The following KLF16 variants were observed in gnomAD, a reference collection of about 807,000 sequenced individuals.
The protein encoded by KLF16 is KLF transcription factor 16.
A neutral mutation model predicts 6.1 loss-of-function variants in KLF16; 6 were observed. The observed-to-expected ratio is 0.98, with a 90% CI of 0.54 to 1.93. The LOEUF is 1.93. KLF16 is among the 30% of genes most tolerant of loss of function. KLF16 has a pLI of 0.01. For synonymous variants in KLF16, 211 were observed against 176.5 expected (o/e 1.20, Z -1.55); for missense variants, 355 against 363.8 (o/e 0.98, Z 0.20).
chr19:1,866,061 T>C (rs1345583930), upstream of KLF16, among the ~76,000 whole-genome samples: 1 of 152,070 alleles, frequency 6.6e-6, no homozygotes, highest in Non-Finnish European at 1.5e-5. Flanking sequence ...CCCAGCACTT[T>C]GGGAGGCCAA....
the KLF16 span, among the ~76,000 whole-genome samples, chr19:1,874,166 T>G: frequency 6.6e-6 from 1 of 152,050 alleles, no homozygotes; most frequent in African/African-American, 2.4e-5. Flanking sequence ...ATCTAAGCAA[T>G]CTCAATGTTT....
At chr19:1,874,254 A>G in the KLF16 span, among the ~76,000 whole-genome samples, 1 of 152,210 alleles carries the variant, frequency 6.6e-6, no homozygotes, top group Non-Finnish European at 1.5e-5. Context: ...AAAATAATGC[A>G]AGGAGGAGGG....
chr19:1,868,337 A>C (rs2012220038), upstream of KLF16, among the ~76,000 whole-genome samples: 1 of 152,206 alleles, frequency 6.6e-6, no homozygotes, highest in African/African-American at 2.4e-5. Context: ...TCAGGGGTGA[A>C]GTCGTCAGGG....
intron 1 of KLF16, chr19:1,861,386 A>C (rs1403103107): frequency 6.6e-6 from 1 of 152,094 alleles, no homozygotes; most frequent in Non-Finnish European, 1.5e-5. Context: ...ACTTACCCCC[A>C]AAAAGCCAGG....
the KLF16 span, among the ~76,000 whole-genome samples, chr19:1,872,126 C>A: frequency 7.5e-4 from 114 of 152,122 alleles, no homozygotes; most frequent in Non-Finnish European, 1.4e-3. Context: ...AGACAGGTGG[C>A]GGTGGTTTTT....
In KLF16 at chr19:1,856,958, G is replaced by C. The variant is rs865935426; in HGVS notation, c.458-2198C>G. 3.6e-5 allele frequency among the ~76,000 whole-genome samples: 5 copies of C among 137,860 alleles called. 1 individual carries two copies. Among genetic ancestry groups the C allele is most frequent in the Non-Finnish European group, 6.1e-5 (4 of 65,564 alleles). The allele number at this position is 137,860 out of a possible 152,430, so 90.4% of individuals were successfully genotyped here. ...AAGGAGGAGCAGGTTGCCGGGGTGG[G>C]GGGGGCGACCGGGGCAGGGGCGCGC... is the stretch of plus-strand genomic sequence containing the variant. On this transcript the variant is annotated intron_variant, in intron 1 of 1. Coordinates refer to ENST00000250916, the MANE Select transcript of KLF16 (RefSeq NM_031918.4).
chr19:1,861,247 G>A (rs946904794), intron 1 of KLF16, among the ~76,000 whole-genome samples: 1 of 152,148 alleles, frequency 6.6e-6, no homozygotes. Context: ...ACTTAACCCA[G>A]AAACTCAGAA....
At chr19:1,856,963 G>GGGGGGGGGGGGGCCC in intron 1 of KLF16, among the ~76,000 whole-genome samples, 1 of 117,466 alleles carries the variant, frequency 8.5e-6, no homozygotes, top group East Asian at 2.7e-4. Flanking sequence ...GGTGGGGGGG[G>GGGGGGGGGGGGGCCC]CGACCGGGGC....
chr19:1,857,298 G>A lies in KLF16; in HGVS notation c.458-2538C>T, dbSNP rs10411759. On this transcript the variant is annotated intron_variant, in intron 1 of 1. Transcript: ENST00000250916. This position sits in a 1 kb window ranked among gnomAD's most constrained non-coding sequence, Gnocchi z 4.7. ...GCAGGGAGGAGGGTGGGGTGAACTT[G>A]TGGGGGCCCAGAGCGCGCTGCTCCT... Among the ~76,000 whole-genome samples the A allele has an allele frequency of 0.25, 38,091 of 152,124 alleles. 5,590 individuals are homozygous for A. Among genetic ancestry groups the A allele is most frequent in the African/African-American group, 0.4 (16,552 of 41,472 alleles).
rs528869468 is a variant in KLF16 at position 1,858,751 on chromosome 19, G to T, written c.458-3991C>A. On this transcript the variant is annotated intron_variant, in intron 1 of 1. Coordinates refer to ENST00000250916, the MANE Select transcript of KLF16 (RefSeq NM_031918.4). ...GGCCCAACCCAGGCCAGGACCTCCTGCACCAGACTCTGGGTACCTGGGGGT... is the reference window on the plus strand; with the variant it reads ...GGCCCAACCCAGGCCAGGACCTCCTTCACCAGACTCTGGGTACCTGGGGGT... Among the ~76,000 whole-genome samples the T allele has an allele frequency of 3.6e-4, 55 of 152,210 alleles. No homozygotes were observed. The South Asian group carries it at 8.9e-3, about 25-fold the overall frequency.
At position 1,854,314 on chromosome 19, in the gene KLF16, G is replaced by A; in HGVS notation, c.*145C>T. On this transcript the variant is annotated 3_prime_UTR_variant, in exon 2 of 2. Transcript: ENST00000250916. ...TCAGGCAGACCCAGGTCCAGTCTCA[G>A]GCCCCCTCCTCACTCTCTGGAGGGG... is the stretch of plus-strand genomic sequence containing the variant. The A allele has an allele frequency of 9.7e-7, 1 of 1,033,364 alleles. No individual in the cohort carries two copies. The highest frequency in any genetic ancestry group is 2.5e-5 in the South Asian group (1 of 40,812). 64.0% of individuals were successfully genotyped at this position (1,033,364 alleles called of 1,614,324 possible). A position where few individuals can be genotyped will look rare whatever the true frequency, so the allele number is the denominator to read the frequency against.
chr19:1,861,102 G>A (rs2012054797), intron 1 of KLF16, among the ~76,000 whole-genome samples: 1 of 152,014 alleles, frequency 6.6e-6, no homozygotes, highest in South Asian at 2.1e-4. Flanking sequence ...TGCAATCCCG[G>A]GATAACAATA....
Position 1,854,549 on chromosome 19 carries a change from G to T in KLF16, c.669C>A (p.Arg223=). 6.4e-7 allele frequency: 1 copy of T among 1,560,236 alleles called. No homozygotes were observed. Among genetic ancestry groups the T allele is most frequent in the Non-Finnish European group, 8.6e-7 (1 of 1,160,952 alleles). ...HPDLLRRPGA[R]STSPSDSLPC... ...GCAGCGAGTCGCTGGGGGAGGTACT[G>T]CGGGCACCAGGGCGCCGGAGCAGGT... Residue 223 remains arginine (R), a synonymous_variant, in exon 2 of 2, where the codon CGC becomes CGA. Transcript: ENST00000250916.
chr19:1,857,654 G>C lies in KLF16; in HGVS notation c.458-2894C>G, dbSNP rs1382816165. Among the ~76,000 whole-genome samples, 3 of 152,064 alleles carry C rather than the reference G, an allele frequency of 2.0e-5. No homozygotes were observed. The highest frequency in any genetic ancestry group is 7.2e-5 in the African/African-American group (3 of 41,414). ...GAAGCCTCACCTCCTGAGCTTGTCT[G>C]GGGGGCCTTGGGGTGGGGAGGGGGG... On this transcript the variant is annotated intron_variant, in intron 1 of 1. Transcript: ENST00000250916. The surrounding 1 kb of genome is among the most constrained non-coding windows in gnomAD (Gnocchi z 4.7).
In KLF16 at chr19:1,852,944, C is replaced by G. The variant is rs1261949421; in HGVS notation, c.*1515G>C. On this transcript the variant is annotated 3_prime_UTR_variant, in exon 2 of 2. Transcript: ENST00000250916. ...TGCACACCAGTGCCATCCAAAGCCC[C>G]CCTGTCCCCAAGCGAGAGGCAGGAC... 1 of 152,226 alleles carries G rather than the reference C, an allele frequency of 6.6e-6. No individual in the cohort carries two copies. Among genetic ancestry groups the G allele is most frequent in the Admixed American group, 6.5e-5 (1 of 15,282 alleles). The allele number at this position is 152,226 out of a possible 1,614,324, so 9.4% of individuals were successfully genotyped here. A position where few individuals can be genotyped will look rare whatever the true frequency, so the allele number is the denominator to read the frequency against.
chr19:1,862,217 G>A (rs774839434), intron 1 of KLF16, among the ~76,000 whole-genome samples: 2 of 152,108 alleles, frequency 1.3e-5, no homozygotes, highest in Non-Finnish European at 2.9e-5. Context: ...AACCCTAGGA[G>A]GGGACGGAGT....
intron 1 of KLF16, chr19:1,861,429 G>A (rs566392262): frequency 4.3e-4 from 66 of 152,410 alleles, no homozygotes; most frequent in African/African-American, 1.6e-3. Context: ...CGCCCGGAGA[G>A]GCACCTCCCT....
In KLF16 at chr19:1,857,068, C is replaced by G. The variant is rs1259551037; in HGVS notation, c.458-2308G>C. ...CCCCAGCCGGCCCCGCTCACGTGGT[C>G]CCACTCCCGCCGGGGCCAGGGGGCC... On this transcript the variant is annotated intron_variant, in intron 1 of 1. Coordinates refer to ENST00000250916, the MANE Select transcript of KLF16 (RefSeq NM_031918.4). This position sits in a 1 kb window ranked among gnomAD's most constrained non-coding sequence, Gnocchi z 4.7. 6.6e-6 allele frequency among the ~76,000 whole-genome samples: 1 copy of G among 151,816 alleles called. No individual in the cohort carries two copies. Among genetic ancestry groups the G allele is most frequent in the Non-Finnish European group, 1.5e-5 (1 of 67,926 alleles).
rs2011903145 is a variant in KLF16 at position 1,854,423 on chromosome 19, A to C, written c.*36T>G. The C allele has an allele frequency of 7.2e-7, 1 of 1,387,710 alleles. No individual in the cohort carries two copies. The highest frequency in any genetic ancestry group is 9.3e-7 in the Non-Finnish European group (1 of 1,080,018). The allele number at this position is 1,387,710 out of a possible 1,614,324, so 86.0% of individuals were successfully genotyped here. ...CCTCACTACACCCCTGGATGGCAGA[A>C]GCATCCTGGCGGTCAGGGTGGGCTG... is the stretch of plus-strand genomic sequence containing the variant. On this transcript the variant is annotated 3_prime_UTR_variant, in exon 2 of 2. Transcript: ENST00000250916.
Sources: allele counts gnomAD v4.1 joint callset (sites outside exome capture counted in the v4.1 genomes callset), GRCh38; gene constraint gnomAD v4.1.1; non-coding constraint Gnocchi (gnomAD v3.1); transcripts MANE v1.5; gene names NCBI Gene and HGNC (gene_info 2026-07-23, HGNC 2026-07-21).